The following ADGRV1 variants were observed in gnomAD, a reference collection of about 807,000 sequenced individuals.
ADGRV1 encodes the protein G-protein coupled receptor 98.
ADGRV1 carries 359 observed loss-of-function variants against 596.2 expected under a neutral mutation model. The observed-to-expected ratio is 0.60, with a 90% CI of 0.55 to 0.66. ADGRV1 has a LOEUF of 0.66. Ranked by LOEUF, ADGRV1 falls within the 30% of genes least tolerant of loss-of-function variation. The pLI is 0.00. For missense variants in ADGRV1, 7,274 were observed against 7,575.6 expected (o/e 0.96, Z 1.48); for synonymous variants, 2,681 against 2,679.2 (o/e 1.00, Z -0.02).
Position 90,950,837 on chromosome 5 carries a change from C to T in ADGRV1, c.17857-14578C>T, listed in dbSNP as rs534067579. ...TGAGTATTTATCTCTGATCAACTTG[C>T]ATAATAGTAAATGAATTATAAATAA... On this transcript the variant is annotated intron_variant, in intron 83 of 89. Transcript: ENST00000405460. 4.2e-4 allele frequency among the ~76,000 whole-genome samples: 64 copies of T among 152,184 alleles called. 1 individual carries two copies. The South Asian group carries it at 0.011, about 25-fold the overall frequency.
In ADGRV1 at chr5:90,788,237, C is replaced by A. The variant is rs372851973; in HGVS notation, c.13820C>A (p.Thr4607Lys). Residue 4607 changes from threonine to lysine, a missense_variant, in exon 68 of 90, where the codon ACA (threonine) becomes AAA (lysine). Thr to Lys is a moderately conservative substitution (Grantham distance 78, BLOSUM62 -1). Around this residue, in one of 5 missense-constraint regions of ADGRV1, gnomAD observed 3,643 missense variants for 3,809.2 expected, o/e 0.96. Coordinates refer to ENST00000405460, the MANE Select transcript of ADGRV1 (RefSeq NM_032119.4). Reference protein sequence around the residue: ...YPHEEIEVEETFIIKLHLVKG... With the variant: ...YPHEEIEVEEKFIIKLHLVKG... The stretch of plus-strand genomic sequence containing the variant: ...CATGAAGAAATTGAAGTTGAAGAGA[C>A]ATTCATTATTAAACTTCATCTTGTG... 1.9e-6 allele frequency: 3 copies of A among 1,611,512 alleles called. No homozygotes were observed. The highest frequency in any genetic ancestry group is 2.5e-6 in the Non-Finnish European group (3 of 1,177,836).
At chr5:90,676,012 C>G in intron 24 of ADGRV1, 68 bp from the exon 25 acceptor site, 1 of 1,258,332 alleles carries the variant, frequency 7.9e-7, no homozygotes, top group Non-Finnish European at 1.1e-6. Context: ...AATTTGTGTA[C>G]AGAATGATTG....
intron 86 of ADGRV1, among the ~76,000 whole-genome samples, chr5:91,073,579 TG>T (rs1788577238): frequency 6.6e-6 from 1 of 152,332 alleles, no homozygotes; most frequent in South Asian, 2.1e-4. Context: ...GGATTTTCCT[TG>T]TAGTATAAAG....
intron 87 of ADGRV1, among the ~76,000 whole-genome samples, chr5:91,102,711 T>C (rs1354138309): frequency 6.6e-6 from 1 of 152,216 alleles, no homozygotes; most frequent in African/African-American, 2.4e-5. Flanking sequence ...ATTAGATCAA[T>C]TGAGGAGTGA....
At chr5:90,716,081 A>G (rs1750072437) in intron 42 of ADGRV1, among the ~76,000 whole-genome samples, 2 of 152,180 alleles carry the variant, frequency 1.3e-5, no homozygotes, top group South Asian at 4.1e-4. Flanking sequence ...TCTTTCCACT[A>G]CTTTTACAGG....
At chr5:91,149,762 G>A (rs1367581919) in intron 87 of ADGRV1, among the ~76,000 whole-genome samples, 3 of 145,558 alleles carry the variant, frequency 2.1e-5, no homozygotes, top group Non-Finnish European at 4.5e-5. Context: ...GAGTCTGAGA[G>A]GCAGAAGTGC....
At chr5:90,680,444 A>G (rs1005166627) in intron 26 of ADGRV1, among the ~76,000 whole-genome samples, 80 of 152,178 alleles carry the variant, frequency 5.3e-4, no homozygotes, top group African/African-American at 1.9e-3. Context: ...TGAAGGTGAT[A>G]TTGAAAAGAG....
At chr5:91,079,987 T>C (rs377495779) in intron 86 of ADGRV1, among the ~76,000 whole-genome samples, 2 of 152,292 alleles carry the variant, frequency 1.3e-5, no homozygotes, top group African/African-American at 4.8e-5. Flanking sequence ...CTGCCACCCA[T>C]TACGATTCAC....
chr5:90,956,817 T>C (rs1777521732), intron 83 of ADGRV1, among the ~76,000 whole-genome samples: 1 of 152,086 alleles, frequency 6.6e-6, no homozygotes, highest in Non-Finnish European at 1.5e-5. Flanking sequence ...GGCTTTGGAG[T>C]CAACAGACTT....
intron 76 of ADGRV1, chr5:90,825,877 CCTCTT>C (rs1764032417): frequency 6.6e-6 from 1 of 152,160 alleles, no homozygotes; most frequent in South Asian, 2.1e-4. Context: ...ATTAGTCACA[CCTCTT>C]CTTTCTCTTT....
intron 86 of ADGRV1, among the ~76,000 whole-genome samples, chr5:91,085,524 T>C (rs1373874387): frequency 6.6e-6 from 1 of 152,236 alleles, no homozygotes; most frequent in East Asian, 1.9e-4. Flanking sequence ...AACAACATGC[T>C]GTTATCTCAC....
At chr5:91,081,621 AC>A (rs1789390930) in intron 86 of ADGRV1, among the ~76,000 whole-genome samples, 1 of 151,970 alleles carries the variant, frequency 6.6e-6, no homozygotes, top group Non-Finnish European at 1.5e-5. Flanking sequence ...CCCCGTCTCT[AC>A]AAAAAATACA....
chr5:90,759,641 ATT>A, intron 58 of ADGRV1, 53 bp downstream of exon 58: 1 of 1,500,596 alleles, frequency 6.7e-7, no homozygotes, highest in Non-Finnish European at 9.2e-7. Flanking sequence ...GTTTCATGTA[ATT>A]TTGAGTAGAA....
At chr5:91,014,136 C>CCCCCCACACACACACACACACACA (rs757029909) in intron 85 of ADGRV1, among the ~76,000 whole-genome samples, 1 of 35,694 alleles carries the variant, frequency 2.8e-5, no homozygotes, top group Admixed American at 3.7e-4. Context: ...TTCACAATTG[C>CCCCCCACACACACACACACACACA]CACACACACA....
At chr5:91,081,277 C>T (rs1056401979) in intron 86 of ADGRV1, among the ~76,000 whole-genome samples, 2 of 152,154 alleles carry the variant, frequency 1.3e-5, no homozygotes, top group Admixed American at 6.6e-5. Context: ...GTTAGGGCTT[C>T]GACATACAAA....
intron 86 of ADGRV1, among the ~76,000 whole-genome samples, chr5:91,081,141 C>G (rs1197121207): frequency 1.3e-5 from 2 of 152,112 alleles, no homozygotes; most frequent in East Asian, 1.9e-4. Context: ...GCTCTCTCCT[C>G]TCATGGATGA....
chr5:90,847,650 G>A (rs867455311), intron 78 of ADGRV1, among the ~76,000 whole-genome samples: 3 of 152,184 alleles, frequency 2.0e-5, no homozygotes, highest in African/African-American at 4.8e-5. Flanking sequence ...TGCAGGTCCC[G>A]AGCCCTGCCC....
intron 21 of ADGRV1, among the ~76,000 whole-genome samples, chr5:90,659,980 C>T (rs555829431): frequency 2.6e-5 from 4 of 151,352 alleles, no homozygotes; most frequent in South Asian, 2.1e-4. Context: ...TGCAGTGAGC[C>T]GAGATGGTGC....
intron 74 of ADGRV1, 31 bp downstream of exon 74, chr5:90,811,369 A>G (rs776798220): frequency 3.3e-6 from 5 of 1,525,262 alleles, no homozygotes; most frequent in African/African-American, 1.4e-5. Context: ...AGATAAAAAT[A>G]TACTTTTATG....
Sources: allele counts gnomAD v4.1 joint callset (sites outside exome capture counted in the v4.1 genomes callset), GRCh38; gene constraint gnomAD v4.1.1; regional missense constraint gnomAD v4.1.1; transcripts MANE v1.5; gene names NCBI Gene and HGNC (gene_info 2026-07-23, HGNC 2026-07-21).